Variants in RNGTT observed in about 807,000 individuals in gnomAD.
RNGTT encodes RNA guanylyltransferase and 5'-phosphatase, also known as mRNA-capping enzyme.
In RNGTT, 33 loss-of-function variants were observed where a neutral mutation model predicts 79.3. The observed-to-expected ratio is 0.42, with a 90% CI of 0.32 to 0.56. The LOEUF is 0.56. Among genes scored for constraint, RNGTT ranks in the 20% least tolerant of loss-of-function variants. The probability of loss-of-function intolerance (pLI) is 0.17; values close to 1 mark genes in which losing one functional copy is unlikely to be tolerated. For synonymous variants in RNGTT, 222 were observed against 235.9 expected (o/e 0.94, Z 0.54); for missense variants, 497 against 739.1 (o/e 0.67, Z 3.80).
intron 12 of RNGTT, among the ~76,000 whole-genome samples, chr6:88,774,206 A>G (rs1386996406): frequency 6.6e-6 from 1 of 152,216 alleles, no homozygotes; most frequent in Non-Finnish European, 1.5e-5. Flanking sequence ...GCCAATAAGC[A>G]CATGAAAAGA....
chr6:88,625,505 T>C (rs1344340432), intron 14 of RNGTT, among the ~76,000 whole-genome samples: 1 of 151,996 alleles, frequency 6.6e-6, no homozygotes, highest in Non-Finnish European at 1.5e-5. Context: ...TGTGATTCCA[T>C]TTACATGACA....
rs189256901 is a variant in RNGTT at position 88,657,547 on chromosome 6, G to A, written c.1506+20806C>T. Among the ~76,000 whole-genome samples, 290 of 152,254 alleles carry A rather than the reference G, an allele frequency of 1.9e-3. 4 individuals carry two copies. The highest frequency in any genetic ancestry group is 6.8e-3 in the African/African-American group (284 of 41,552). The stretch of plus-strand genomic sequence containing the variant: ...CCTAAACAGAATCAGGGGGTGGGGA[G>A]GCAAATGGAAAATACAGATATGAGC... On this transcript the variant is annotated intron_variant, in intron 14 of 15. Transcript: ENST00000369485.
chr6:88,686,467 A>G (rs1775282273), intron 13 of RNGTT, among the ~76,000 whole-genome samples: 1 of 152,132 alleles, frequency 6.6e-6, no homozygotes, highest in Non-Finnish European at 1.5e-5. Context: ...CAAAAATATT[A>G]AAAATCATCC....
chr6:88,823,791 G>A (rs1780571028), intron 11 of RNGTT, among the ~76,000 whole-genome samples: 1 of 152,008 alleles, frequency 6.6e-6, no homozygotes, highest in South Asian at 2.1e-4. Flanking sequence ...TAAATAAAAT[G>A]TTGTTGGAAA....
At chr6:88,716,160 A>G (rs1776504197) in intron 13 of RNGTT, among the ~76,000 whole-genome samples, 3 of 152,172 alleles carry the variant, frequency 2.0e-5, no homozygotes, top group South Asian at 2.1e-4. Context: ...GGCAAAGGAT[A>G]TGAACAGACA....
intron 12 of RNGTT, among the ~76,000 whole-genome samples, chr6:88,772,419 T>C (rs1233360965): frequency 1.3e-5 from 2 of 152,158 alleles, no homozygotes; most frequent in Middle Eastern, 3.4e-3. Context: ...GAAATGAAAA[T>C]GTGCTCTTCA....
intron 11 of RNGTT, among the ~76,000 whole-genome samples, chr6:88,820,694 A>G (rs1780469292): frequency 6.6e-6 from 1 of 152,172 alleles, no homozygotes; most frequent in Admixed American, 6.5e-5. Flanking sequence ...TTTAAAATAC[A>G]ATAACATTTA....
chr6:88,883,610 G>GA (rs1248070935), intron 8 of RNGTT, among the ~76,000 whole-genome samples: 5 of 151,834 alleles, frequency 3.3e-5, no homozygotes, highest in Non-Finnish European at 7.4e-5. Flanking sequence ...ACAATAAAAG[G>GA]AGTTTTTAAA....
At chr6:88,832,246 T>C (rs1229938330) in intron 11 of RNGTT, among the ~76,000 whole-genome samples, 1 of 152,024 alleles carries the variant, frequency 6.6e-6, no homozygotes, top group Non-Finnish European at 1.5e-5. Flanking sequence ...AACAGATATA[T>C]AGACCAATGG....
At chr6:88,644,009 G>C (rs1773429048) in intron 14 of RNGTT, among the ~76,000 whole-genome samples, 1 of 152,088 alleles carries the variant, frequency 6.6e-6, no homozygotes, top group South Asian at 2.1e-4. Flanking sequence ...GATCAGAGCA[G>C]AACTGAAGGA....
chr6:88,812,750 C>T (rs896775442), intron 11 of RNGTT, among the ~76,000 whole-genome samples: 1 of 152,186 alleles, frequency 6.6e-6, no homozygotes, highest in African/African-American at 2.4e-5. Context: ...TATGAGATTA[C>T]ACTTTATGAA....
At chr6:88,824,666 C>T (rs769675708) in intron 11 of RNGTT, among the ~76,000 whole-genome samples, 1 of 151,798 alleles carries the variant, frequency 6.6e-6, no homozygotes, top group Admixed American at 6.6e-5. Context: ...TTCCGTTGGA[C>T]AGGTCTGCTT....
chr6:88,951,867 A>G (rs1785260962), intron 1 of RNGTT, among the ~76,000 whole-genome samples: 1 of 152,192 alleles, frequency 6.6e-6, no homozygotes, highest in South Asian at 2.1e-4. Context: ...ATGGGGGGAA[A>G]AAAGCTTCCA....
intron 10 of RNGTT, 50 bp from the exon 11 acceptor site, chr6:88,844,571 T>C: frequency 6.6e-7 from 1 of 1,525,252 alleles, no homozygotes. Flanking sequence ...AACTATTTTA[T>C]CAGCATAATT....
At chr6:88,750,453 G>A (rs1020998720) in intron 13 of RNGTT, among the ~76,000 whole-genome samples, 5 of 152,278 alleles carry the variant, frequency 3.3e-5, no homozygotes, top group South Asian at 2.1e-4. Flanking sequence ...TCATTGGATC[G>A]TCAGGTGAGG....
At chr6:88,753,942 C>T (rs1777923214) in intron 13 of RNGTT, among the ~76,000 whole-genome samples, 2 of 152,076 alleles carry the variant, frequency 1.3e-5, no homozygotes, top group Admixed American at 6.5e-5. Flanking sequence ...TAAAATAGAA[C>T]ATATGGCATT....
intron 4 of RNGTT, among the ~76,000 whole-genome samples, chr6:88,909,710 A>G (rs774668022): frequency 2.0e-5 from 3 of 152,222 alleles, no homozygotes; most frequent in Non-Finnish European, 4.4e-5. Flanking sequence ...CTGAGGACAC[A>G]ATGAAATACA....
chr6:88,613,009 G>T, intron 15 of RNGTT, 127 bp from the exon 16 acceptor site: 1 of 829,818 alleles, frequency 1.2e-6, no homozygotes, highest in Non-Finnish European at 1.8e-6. Flanking sequence ...TGAGTGATGT[G>T]CTTCACATTG....
intron 12 of RNGTT, among the ~76,000 whole-genome samples, chr6:88,778,635 T>G (rs1015797638): frequency 1.3e-5 from 2 of 152,074 alleles, no homozygotes; most frequent in African/African-American, 4.8e-5. Context: ...AGACGAAGGG[T>G]GCAATCCATT....
Sources: allele counts gnomAD v4.1 joint callset (sites outside exome capture counted in the v4.1 genomes callset), GRCh38; gene constraint gnomAD v4.1.1; transcripts MANE v1.5; gene names NCBI Gene and HGNC (gene_info 2026-07-23, HGNC 2026-07-21).